FAM20A: variants seen among roughly 807,000 people sequenced by gnomAD.
FAM20A encodes the protein pseudokinase FAM20A.
A neutral mutation model predicts 52.0 loss-of-function variants in FAM20A; 42 were observed. The observed-to-expected ratio is 0.81, with a 90% CI of 0.63 to 1.04. The LOEUF (loss-of-function observed/expected upper bound fraction) is 1.04, where lower values mean the gene tolerates loss of function less well. FAM20A is among the 50% of genes least tolerant of loss of function. The probability of loss-of-function intolerance (pLI) is 0.00; values close to 1 mark genes in which losing one functional copy is unlikely to be tolerated. For synonymous variants in FAM20A, 304 were observed against 298.9 expected, an observed-to-expected ratio of 1.02 and a Z score of -0.18; for missense variants, 742 against 712.7, an observed-to-expected ratio of 1.04 and a Z score of -0.47.
At chr17:68,581,417 T>TCTTTCTTTC (rs1368089967) in intron 1 of FAM20A, among the ~76,000 whole-genome samples, 48 of 103,300 alleles carry the variant, frequency 4.6e-4, no homozygotes, top group African/African-American at 1.8e-3. Flanking sequence ...TTTCTTTCTT[T>TCTTTCTTTC]TTCTCTTTTC....
intron 3 of FAM20A, among the ~76,000 whole-genome samples, chr17:68,553,791 C>CATATAT: frequency 6.7e-6 from 1 of 149,346 alleles, no homozygotes; most frequent in Non-Finnish European, 1.5e-5. Flanking sequence ...TACATGTATA[C>CATATAT]ACATACATAT....
chr17:68,543,492 CA>C, intron 5 of FAM20A, 136 bp downstream of exon 5: 2 of 737,720 alleles, frequency 2.7e-6, no homozygotes, highest in South Asian at 3.2e-5. Context: ...TCAAAGACAC[CA>C]CGATGAGGCA....
chr17:68,543,698 G>C lies in FAM20A; in HGVS notation c.743C>G (p.Pro248Arg). The C allele has an allele frequency of 1.2e-6, 2 of 1,614,076 alleles. No individual in the cohort carries two copies. The highest frequency in any genetic ancestry group is 1.7e-6 in the Non-Finnish European group (2 of 1,179,952). ...PMRQQRDEETPVDFFYFIDFQ... is the reference protein window; with the variant it reads ...PMRQQRDEETRVDFFYFIDFQ... ...GTCAATGAAGTAGAAGAAGTCCACT[G>C]GTGTCTCCTCATCTCGCTGCTGTCT... Residue 248 changes from proline (P) to arginine (R), a missense_variant, in exon 5 of 11, where the codon CCA becomes CGA. Pro to Arg is a moderately radical substitution (Grantham distance 103). Transcript: ENST00000592554.
chr17:68,555,880 G>C, intron 1 of FAM20A, 137 bp from the exon 2 acceptor site: 1 of 1,069,596 alleles, frequency 9.3e-7, no homozygotes, highest in South Asian at 1.4e-5. Flanking sequence ...TAGGCTTTAA[G>C]CTGTGCTTAG....
At chr17:68,562,673 G>A (rs754899466) in intron 1 of FAM20A, among the ~76,000 whole-genome samples, 1 of 150,448 alleles carries the variant, frequency 6.6e-6, no homozygotes, top group Non-Finnish European at 1.5e-5. Flanking sequence ...CCCAGACCTG[G>A]CAAAAAAAAT....
intron 1 of FAM20A, among the ~76,000 whole-genome samples, chr17:68,576,808 C>G (rs2087782778): frequency 6.6e-6 from 1 of 152,168 alleles, no homozygotes; most frequent in African/African-American, 2.4e-5. Flanking sequence ...TTTTGCTCAG[C>G]CCTGTTCATT....
Position 68,540,934 on chromosome 17 carries a change from A to T in FAM20A, c.1134T>A (p.Cys378Ter). The T allele has an allele frequency of 2.5e-6, 4 of 1,597,386 alleles. No individual in the cohort carries two copies. Among genetic ancestry groups the T allele is most frequent in the Non-Finnish European group, 3.4e-6 (4 of 1,171,156 alleles). ...KEEWEVNPLY[C>*]DTVKQIYPYN... The stretch of plus-strand genomic sequence containing the variant: ...ACGGGTAGATCTGTTTCACTGTGTC[A>T]CAGTAAAGGGGATTGACCTCCCACC... The change falls in exon 8 of 11, where the codon TGT becomes TGA. Residue 378 changes from cysteine to a stop codon, truncating the protein, a stop_gained. Coordinates refer to ENST00000592554, the MANE Select transcript of FAM20A (RefSeq NM_017565.4). LOFTEE classifies it high-confidence loss of function.
intron 5 of FAM20A, among the ~76,000 whole-genome samples, chr17:68,543,119 C>T (rs1304696427): frequency 2.0e-5 from 3 of 152,114 alleles, no homozygotes; most frequent in Non-Finnish European, 4.4e-5. Context: ...TGTGAGTCAC[C>T]TGGCAATCTT....
chr17:68,542,258 A>T (rs1487456300), intron 6 of FAM20A, 93 bp from the exon 7 acceptor site: 2 of 1,355,430 alleles, frequency 1.5e-6, no homozygotes, highest in Non-Finnish European at 2.1e-6. Flanking sequence ...AGGGAAGGGA[A>T]ACCCTGAACT....
chr17:68,536,502 C>T lies in FAM20A; in HGVS notation c.*975G>A, dbSNP rs1171427255. On this transcript the variant is annotated 3_prime_UTR_variant, in exon 11 of 11. Transcript: ENST00000592554. ...TCTAAGGGAGGCTTCAATAAAAAAC[C>T]TGACTTAGTCTTTTTTGAGCCAGCC... 4 of 454,122 alleles carry T rather than the reference C, an allele frequency of 8.8e-6. No homozygotes were observed. The highest frequency in any genetic ancestry group is 6.2e-5 in the South Asian group (4 of 64,474). 28.1% of individuals were successfully genotyped at this position (454,122 alleles called of 1,614,324 possible).
intron 1 of FAM20A, among the ~76,000 whole-genome samples, chr17:68,571,724 C>T (rs2087539797): frequency 6.6e-6 from 1 of 151,840 alleles, no homozygotes; most frequent in Non-Finnish European, 1.5e-5. Flanking sequence ...GAAGAATCCT[C>T]CTTCATACTG....
intron 1 of FAM20A, among the ~76,000 whole-genome samples, chr17:68,582,924 C>T (rs932620181): frequency 1.3e-5 from 2 of 151,158 alleles, no homozygotes; most frequent in African/African-American, 2.4e-5. Flanking sequence ...CTTAGCCTCC[C>T]GAGTAGCTGG....
chr17:68,541,401 TCTTCTCAGC>T (rs775639426), intron 7 of FAM20A: 9 of 221,670 alleles, frequency 4.1e-5, no homozygotes, highest in Non-Finnish European at 6.4e-5. Context: ...ATCCGAGGGC[TCTTCTCAGC>T]CTTCACAGAG....
intron 3 of FAM20A, among the ~76,000 whole-genome samples, chr17:68,554,015 CATATATACATATAT>C: frequency 6.1e-5 from 4 of 65,078 alleles, no homozygotes; most frequent in East Asian, 4.8e-4. Flanking sequence ...TGCATATATA[CATATATACATATAT>C]ACACACATGC....
intron 1 of FAM20A, among the ~76,000 whole-genome samples, chr17:68,598,380 C>A (rs1381391271): frequency 3.3e-5 from 5 of 152,128 alleles, no homozygotes; most frequent in Non-Finnish European, 7.4e-5. Context: ...CATTTACTAT[C>A]CAGTTTGGGT....
intron 1 of FAM20A, among the ~76,000 whole-genome samples, chr17:68,566,990 A>C (rs535876528): frequency 3.5e-4 from 53 of 152,182 alleles, no homozygotes; most frequent in African/African-American, 1.2e-3. Context: ...ACAATTCTGA[A>C]AGCTTCTGTT....
At chr17:68,546,207 A>C (rs1284621816) in intron 4 of FAM20A, among the ~76,000 whole-genome samples, 1 of 149,246 alleles carries the variant, frequency 6.7e-6, no homozygotes, top group Non-Finnish European at 1.5e-5. Context: ...CAGCAACTCT[A>C]TCTGTTCAAG....
chr17:68,561,969 G>A (rs777305259), intron 1 of FAM20A, among the ~76,000 whole-genome samples: 3 of 152,046 alleles, frequency 2.0e-5, no homozygotes, highest in African/African-American at 4.8e-5. Flanking sequence ...ATTTACAGGC[G>A]CATGCCACCA....
intron 7 of FAM20A, chr17:68,541,655 T>C (rs370150663): frequency 1.7e-5 from 4 of 230,714 alleles, no homozygotes; most frequent in Non-Finnish European, 3.4e-5. Context: ...TCCCTGGTTA[T>C]AGCAAGTGCT....
Sources: gnomAD v4.1 joint callset for allele counts (sites outside exome capture counted in the v4.1 genomes callset) on GRCh38, gnomAD v4.1.1 for gene constraint, MANE v1.5 for transcripts, NCBI Gene and HGNC (gene_info 2026-07-23, HGNC 2026-07-21) for gene names.